The following CSMD3 variants were observed in gnomAD, a reference collection of about 807,000 sequenced individuals.
CSMD3 encodes CUB and sushi domain-containing protein 3.
Under a neutral mutation model 435.2 loss-of-function variants are expected in CSMD3, and 177 were observed. The observed-to-expected ratio is 0.41, with a 90% confidence interval of 0.36 to 0.46. CSMD3 has a LOEUF of 0.46. Ranked by LOEUF, CSMD3 falls within the 20% of genes least tolerant of loss-of-function variation. CSMD3 has a pLI of 0.34. For synonymous variants in CSMD3, 1,656 were observed against 1,520.5 expected, an observed-to-expected ratio of 1.09 and a Z score of -2.07; for missense variants, 4,265 against 4,504.6, an observed-to-expected ratio of 0.95 and a Z score of 1.52.
At position 112,434,558 on chromosome 8, in the gene CSMD3, T is replaced by C. The variant is rs974405646; in HGVS notation, c.5396-25526A>G. Among the ~76,000 whole-genome samples the C allele has an allele frequency of 2.6e-5, 4 of 152,132 alleles. No individual in the cohort carries two copies. The South Asian group carries it at 8.3e-4, about 31-fold the overall frequency. ...AATGCTGTATTGTTATTAATATTTGTACTTTGCTTTTTCCCAGAATAAGAT... is the reference window on the plus strand; with the variant it reads ...AATGCTGTATTGTTATTAATATTTGCACTTTGCTTTTTCCCAGAATAAGAT... On this transcript the variant is annotated intron_variant, in intron 32 of 70. Coordinates refer to ENST00000297405, the MANE Select transcript of CSMD3 (RefSeq NM_198123.2).
rs752009531 is a variant in CSMD3 at position 112,304,909 on chromosome 8, G to A, written c.8078C>T (p.Thr2693Ile). ...HNKTPRCVVV[T>I]CPSINSFILE... ...GATAAAGGAATTGATGCTTGGACAT[G>A]TAACAACTATACAAAAACCAAAGGG... is the stretch of plus-strand genomic sequence containing the variant. The change falls in exon 52 of 71, where the codon ACA becomes ATA. Residue 2693 changes from threonine to isoleucine, a missense_variant. Physicochemically the swap from Thr to Ile is moderately conservative, Grantham distance 89 (BLOSUM62 -1). Transcript: ENST00000297405. 41 of 1,612,768 alleles carry A rather than the reference G, an allele frequency of 2.5e-5. No homozygotes were observed. The Admixed American group carries it at 6.5e-4, about 26-fold the overall frequency.
intron 6 of CSMD3, among the ~76,000 whole-genome samples, chr8:113,006,897 C>A (rs1041017705): frequency 6.6e-6 from 1 of 151,902 alleles, no homozygotes; most frequent in Non-Finnish European, 1.5e-5. Flanking sequence ...AGGCCCTGGA[C>A]ATCCCATGAC....
intron 1 of CSMD3, among the ~76,000 whole-genome samples, chr8:113,378,027 C>G (rs946375061): frequency 1.3e-5 from 2 of 152,092 alleles, no homozygotes; most frequent in African/African-American, 2.4e-5. Flanking sequence ...AAGGCTGATA[C>G]AATGATTACA....
chr8:113,163,652 G>T (rs1283893154), intron 4 of CSMD3, among the ~76,000 whole-genome samples: 1 of 151,984 alleles, frequency 6.6e-6, no homozygotes, highest in Admixed American at 6.6e-5. Flanking sequence ...TGACTAACTT[G>T]CAGGGCAAAT....
At chr8:112,450,034 A>C (rs921980087) in intron 32 of CSMD3, among the ~76,000 whole-genome samples, 1 of 152,158 alleles carries the variant, frequency 6.6e-6, no homozygotes, top group Non-Finnish European at 1.5e-5. Context: ...AATCATTCCT[A>C]TTACACAGTA....
intron 5 of CSMD3, among the ~76,000 whole-genome samples, chr8:113,068,504 A>G (rs1042196011): frequency 1.3e-5 from 2 of 152,110 alleles, no homozygotes; most frequent in Non-Finnish European, 2.9e-5. Context: ...TTTCCTATCT[A>G]TTCTTTTGTG....
chr8:112,302,151 T>C (rs1820981861), intron 52 of CSMD3, among the ~76,000 whole-genome samples, 185 bp from the exon 53 acceptor site: 1 of 151,992 alleles, frequency 6.6e-6, no homozygotes, highest in African/African-American at 2.4e-5. Context: ...ACGTAAAATG[T>C]ACCCTCTTTA....
rs2130967225 is a variant in CSMD3, at chr8:112,337,704, G to A, written c.6680C>T (p.Pro2227Leu). 6.2e-7 allele frequency: 1 copy of A among 1,613,536 alleles called. No homozygotes were observed. Reference sequence around the variant, plus strand: ...TACAAAACCATTTCGAAACGGGCGTGGATCAGGACAGCTTTGCAACTGATA... The same window carrying A: ...TACAAAACCATTTCGAAACGGGCGTAGATCAGGACAGCTTTGCAACTGATA... ...QAYQLQSCPD[P>L]RPFRNGFVIG... Residue 2227 changes from proline (P) to leucine (L), a missense_variant, in exon 43 of 71, where the codon CCA (proline) becomes CTA (leucine). By Grantham distance (98) the Pro-to-Leu change is moderately conservative (BLOSUM62 -3). Around this residue, in one of 3 missense-constraint regions of CSMD3, gnomAD observed 3,255 missense variants for 3,380.2 expected, o/e 0.96. Coordinates refer to ENST00000297405, the MANE Select transcript of CSMD3 (RefSeq NM_198123.2).
At chr8:113,077,186 T>C (rs2089376597) in intron 5 of CSMD3, among the ~76,000 whole-genome samples, 1 of 152,138 alleles carries the variant, frequency 6.6e-6, no homozygotes, top group Non-Finnish European at 1.5e-5. Flanking sequence ...ATTTCCTGAC[T>C]GTGATATCAT....
chr8:112,997,858 G>A (rs968732010), intron 6 of CSMD3, among the ~76,000 whole-genome samples: 1 of 79,694 alleles, frequency 1.3e-5, no homozygotes, highest in African/African-American at 7.3e-5. Context: ...ACATGTATAT[G>A]TGTGTATATA....
chr8:112,668,532 A>G (rs750782907), intron 16 of CSMD3, among the ~76,000 whole-genome samples: 2 of 152,126 alleles, frequency 1.3e-5, no homozygotes, highest in African/African-American at 2.4e-5. Flanking sequence ...CTCAGTGCAA[A>G]ATGTGAGGGA....
chr8:113,055,148 T>C (rs2131341646), intron 5 of CSMD3, among the ~76,000 whole-genome samples: 1 of 152,268 alleles, frequency 6.6e-6, no homozygotes, highest in African/African-American at 2.4e-5. Context: ...TGTATTATCA[T>C]CTGCTACAAC....
intron 13 of CSMD3, among the ~76,000 whole-genome samples, chr8:112,710,168 A>G (rs1050060719): frequency 6.6e-6 from 1 of 152,100 alleles, no homozygotes; most frequent in Non-Finnish European, 1.5e-5. Context: ...GATAAAGCCA[A>G]TTTATTTTTT....
chr8:112,988,655 A>G (rs1317608876), intron 6 of CSMD3, among the ~76,000 whole-genome samples: 7 of 152,040 alleles, frequency 4.6e-5, no homozygotes, highest in African/African-American at 1.7e-4. Context: ...ACTTTTACCA[A>G]CAAAGTCTTC....
intron 13 of CSMD3, among the ~76,000 whole-genome samples, chr8:112,795,709 T>C (rs568449416): frequency 2.0e-5 from 3 of 152,266 alleles, no homozygotes; most frequent in Non-Finnish European, 2.9e-5. Flanking sequence ...CCTCTAGACA[T>C]GTCATGTGGC....
intron 54 of CSMD3, among the ~76,000 whole-genome samples, chr8:112,293,738 C>T (rs763709483): frequency 6.6e-5 from 10 of 152,276 alleles, no homozygotes; most frequent in Middle Eastern, 6.8e-3. Context: ...CATTATCTCA[C>T]TCTATTAATC....
intron 3 of CSMD3, among the ~76,000 whole-genome samples, chr8:113,216,745 A>T (rs1399033528): frequency 6.6e-6 from 1 of 151,926 alleles, no homozygotes; most frequent in Admixed American, 6.6e-5. Flanking sequence ...CATGCAGAGT[A>T]TCTGGCTCCT....
At chr8:112,520,505 C>T (rs534055451) in intron 27 of CSMD3, among the ~76,000 whole-genome samples, 1 of 152,044 alleles carries the variant, frequency 6.6e-6, no homozygotes, top group South Asian at 2.1e-4. Flanking sequence ...GGAACTCTGA[C>T]AGCTGTCTAT....
At chr8:112,572,964 T>C (rs1319178399) in intron 24 of CSMD3, among the ~76,000 whole-genome samples, 3 of 152,060 alleles carry the variant, frequency 2.0e-5, no homozygotes, top group Non-Finnish European at 4.4e-5. Context: ...CTTATTTAAA[T>C]AGTCAAAATA....
Sources: allele counts gnomAD v4.1 joint callset (sites outside exome capture counted in the v4.1 genomes callset), GRCh38; gene constraint gnomAD v4.1.1; regional missense constraint gnomAD v4.1.1; transcripts MANE v1.5; gene names NCBI Gene and HGNC (gene_info 2026-07-23, HGNC 2026-07-21).